Variants in CCDC149 observed in about 807,000 individuals in gnomAD.
The protein encoded by CCDC149 is coiled-coil domain-containing protein 149.
In CCDC149, 45 loss-of-function variants were observed where a neutral mutation model predicts 59.9. That is an observed-to-expected ratio of 0.75 (90% CI 0.59 to 0.96). The LOEUF is 0.96. CCDC149 is among the 40% of genes least tolerant of loss of function. CCDC149 has a pLI of 0.00. For missense variants in CCDC149, 584 were observed against 664.7 expected, an observed-to-expected ratio of 0.88 and a Z score of 1.33; for synonymous variants, 245 against 260.6, an observed-to-expected ratio of 0.94 and a Z score of 0.58.
rs540323949 is a variant in CCDC149, at chr4:24,868,730, T to C, written c.264+4951A>G. On this transcript the variant is annotated intron_variant, in intron 3 of 12. Coordinates refer to ENST00000635206, the MANE Select transcript of CCDC149 (RefSeq NM_001330643.2). ...AATGCAAGTTCCAAGCTCAGGGATC[T>C]GGGTCTGCCTTTTTTCACCCCGTGC... Among the ~76,000 whole-genome samples the C allele has an allele frequency of 1.4e-3, 219 of 152,244 alleles. 1 individual carries two copies. Among genetic ancestry groups the C allele is most frequent in the African/African-American group, 4.7e-3 (194 of 41,526 alleles).
intron 1 of CCDC149, among the ~76,000 whole-genome samples, chr4:24,972,483 T>C (rs1415792053): frequency 6.6e-6 from 1 of 151,960 alleles, no homozygotes; most frequent in East Asian, 1.9e-4. Context: ...AATTTTTGCA[T>C]TTTTTGTAGA....
At chr4:24,935,837 C>T (rs10028222) in intron 1 of CCDC149, among the ~76,000 whole-genome samples, 2 of 152,104 alleles carry the variant, frequency 1.3e-5, no homozygotes, top group Admixed American at 1.3e-4. Flanking sequence ...TATATATTTG[C>T]GAGTCATCTA....
intron 8 of CCDC149, 80 bp from the exon 9 acceptor site, chr4:24,831,730 G>C (rs952326015): frequency 3.8e-6 from 5 of 1,308,492 alleles, no homozygotes; most frequent in Non-Finnish European, 4.3e-6. Context: ...ATCCTTCTTG[G>C]ATAATGATAT....
intron 1 of CCDC149, among the ~76,000 whole-genome samples, chr4:24,973,627 CAG>C (rs1724049081): frequency 2.0e-5 from 3 of 152,262 alleles, no homozygotes; most frequent in Admixed American, 1.3e-4. Flanking sequence ...TGAAAAAGGC[CAG>C]AGTTAGACCA....
chr4:24,819,885 G>A lies in CCDC149; in HGVS notation c.1166C>T (p.Thr389Ile). The change falls in exon 12 of 13, where the codon ACT becomes ATT. Residue 389 changes from threonine (T) to isoleucine (I), a missense_variant. Physicochemically the swap from Thr to Ile is moderately conservative, Grantham distance 89 (BLOSUM62 -1). Coordinates refer to ENST00000635206, the MANE Select transcript of CCDC149 (RefSeq NM_001330643.2). ...ATCCTTGGGATCTGCTTTGTTCTCAGTGGGCTGCTCGACAAACTTCAGCAG... is the reference window on the plus strand; with the variant it reads ...ATCCTTGGGATCTGCTTTGTTCTCAATGGGCTGCTCGACAAACTTCAGCAG... 1 of 1,551,674 alleles carries A rather than the reference G, an allele frequency of 6.4e-7. No homozygotes were observed. The highest frequency in any genetic ancestry group is 8.7e-7 in the Non-Finnish European group (1 of 1,146,934).
intron 1 of CCDC149, among the ~76,000 whole-genome samples, chr4:24,943,539 T>G (rs1331928620): frequency 6.6e-6 from 1 of 152,116 alleles, no homozygotes; most frequent in East Asian, 1.9e-4. Context: ...CCAAAAGCAA[T>G]GGCAACAAAA....
intron 1 of CCDC149, among the ~76,000 whole-genome samples, chr4:24,945,846 T>C (rs1046701577): frequency 1.3e-5 from 2 of 152,120 alleles, no homozygotes; most frequent in African/African-American, 4.8e-5. Flanking sequence ...GGTCTTGAAC[T>C]CCTGACCTCA....
intron 8 of CCDC149, among the ~76,000 whole-genome samples, chr4:24,834,714 A>G (rs1716381612): frequency 6.6e-6 from 1 of 152,150 alleles, no homozygotes; most frequent in African/African-American, 2.4e-5. Context: ...AGAAATACAT[A>G]ATTTTCAAGT....
chr4:24,835,720 G>T (rs1329847157), intron 7 of CCDC149, among the ~76,000 whole-genome samples: 1 of 152,168 alleles, frequency 6.6e-6, no homozygotes. Context: ...AGGAAGAACA[G>T]CACGGAGACT....
At chr4:24,874,821 A>G (rs750528328) in intron 2 of CCDC149, among the ~76,000 whole-genome samples, 2 of 152,244 alleles carry the variant, frequency 1.3e-5, no homozygotes, top group Non-Finnish European at 2.9e-5. Context: ...CCCACTTAAA[A>G]AAGAGATCGC....
At chr4:24,834,819 C>T (rs534193338) in intron 8 of CCDC149, 129 bp downstream of exon 8, 6 of 561,888 alleles carry the variant, frequency 1.1e-5, no homozygotes, top group African/African-American at 5.7e-5. Context: ...ACGTGGAAGT[C>T]GGGGAGCCAC....
chr4:24,920,698 C>T (rs557808389), intron 1 of CCDC149, among the ~76,000 whole-genome samples: 28 of 152,360 alleles, frequency 1.8e-4, no homozygotes, highest in African/African-American at 6.5e-4. Context: ...GCTGCCATAG[C>T]AGCAATTCTG....
At chr4:24,906,371 T>TTTTTTTTTTATTTTTTTTATTTTA (rs1560249462) in intron 1 of CCDC149, among the ~76,000 whole-genome samples, 22 of 25,272 alleles carry the variant, frequency 8.7e-4, no homozygotes, top group African/African-American at 1.3e-3. Flanking sequence ...ACAAATTTTA[T>TTTTTTTTTTATTTTTTTTATTTTA]TTTATTTTAT....
At position 24,816,551 on chromosome 4, in the gene CCDC149, C is replaced by T. The variant is rs75290527; in HGVS notation, c.1192+3308G>A. On this transcript the variant is annotated intron_variant, in intron 12 of 12. Coordinates refer to ENST00000635206, the MANE Select transcript of CCDC149 (RefSeq NM_001330643.2). ...CTTTAAAGATTCTAGAATCTTAACT[C>T]CTAAGCTGTGGGTGTTTTATTTTTA... 6.5e-3 allele frequency among the ~76,000 whole-genome samples: 982 copies of T among 152,246 alleles called. 45 individuals carry two copies. The highest frequency in any genetic ancestry group is 0.059 in the Admixed American group (906 of 15,298).
chr4:24,970,040 T>C (rs1477526798), intron 1 of CCDC149, among the ~76,000 whole-genome samples: 2 of 152,110 alleles, frequency 1.3e-5, no homozygotes, highest in East Asian at 1.9e-4. Flanking sequence ...AAAGGAACCG[T>C]GGGGAGCTGA....
At chr4:24,902,959 A>G (rs1471087178) in intron 1 of CCDC149, among the ~76,000 whole-genome samples, 1 of 130,536 alleles carries the variant, frequency 7.7e-6, no homozygotes, top group Admixed American at 9.0e-5. Flanking sequence ...CAGGAAGCAG[A>G]GGTTGCAGTG....
chr4:24,850,259 A>G (rs1214722131), intron 4 of CCDC149, among the ~76,000 whole-genome samples: 1 of 151,968 alleles, frequency 6.6e-6, no homozygotes, highest in Non-Finnish European at 1.5e-5. Flanking sequence ...ATACCTACCT[A>G]TCAAGAACTA....
At chr4:24,892,041 G>C (rs990363361) in intron 1 of CCDC149, among the ~76,000 whole-genome samples, 1 of 152,080 alleles carries the variant, frequency 6.6e-6, no homozygotes, top group Non-Finnish European at 1.5e-5. Context: ...TAGTCATCAG[G>C]ATCATCATAA....
At chr4:24,828,947 G>C (rs1715944455) in intron 9 of CCDC149, 1 of 152,448 alleles carries the variant, frequency 6.6e-6, no homozygotes, top group Admixed American at 6.5e-5. Context: ...GTTTGCAGTG[G>C]GTATGGTTAG....
Sources: gnomAD v4.1 joint callset for allele counts (sites outside exome capture counted in the v4.1 genomes callset) on GRCh38, gnomAD v4.1.1 for gene constraint, MANE v1.5 for transcripts, NCBI Gene and HGNC (gene_info 2026-07-23, HGNC 2026-07-21) for gene names.